EML5: variants seen among roughly 807,000 people sequenced by gnomAD.
EML5 encodes the protein echinoderm microtubule-associated protein-like 5.
Under a neutral mutation model 250.0 loss-of-function variants are expected in EML5, and 120 were observed. The ratio of observed to expected loss-of-function variants is 0.48; its 90% confidence interval spans 0.41 to 0.56. The LOEUF (loss-of-function observed/expected upper bound fraction) is 0.56, where lower values mean the gene tolerates loss of function less well. EML5 is among the 20% of genes least tolerant of loss of function. The pLI is 0.00. For synonymous variants in EML5, 771 were observed against 806.5 expected (o/e 0.96, Z 0.75); for missense variants, 2,006 against 2,437.6 (o/e 0.82, Z 3.73).
At chr14:88,717,045 C>A (rs979049184) in intron 8 of EML5, among the ~76,000 whole-genome samples, 1 of 152,156 alleles carries the variant, frequency 6.6e-6, no homozygotes, top group Non-Finnish European at 1.5e-5. Flanking sequence ...CATAATACAT[C>A]ACAAAGTAAA....
At chr14:88,695,252 A>G (rs1002563814) in intron 16 of EML5, 109 bp downstream of exon 16, 3 of 761,344 alleles carry the variant, frequency 3.9e-6, no homozygotes, top group Non-Finnish European at 6.3e-6. Context: ...CATGGAAGCA[A>G]TAAAAAGTTA....
intron 27 of EML5, among the ~76,000 whole-genome samples, chr14:88,652,933 A>T (rs1401405659): frequency 6.6e-6 from 1 of 152,198 alleles, no homozygotes. Flanking sequence ...ATCCATGAGC[A>T]TGGAATGTTT....
At chr14:88,768,124 T>G (rs1651251846) in intron 1 of EML5, among the ~76,000 whole-genome samples, 1 of 152,212 alleles carries the variant, frequency 6.6e-6, no homozygotes, top group Non-Finnish European at 1.5e-5. Flanking sequence ...GTTATGCATT[T>G]TGGGTAAAAA....
At chr14:88,646,815 C>A in intron 29 of EML5, 132 bp downstream of exon 29, 2 of 848,420 alleles carry the variant, frequency 2.4e-6, no homozygotes, top group Admixed American at 3.2e-5. Flanking sequence ...ATACCAATTC[C>A]AAAGGAAAAA....
Position 88,616,136 on chromosome 14 carries a change from ACTAACC to A in EML5, c.5897_5897+5del. The A allele has an allele frequency of 1.2e-6, 2 of 1,613,556 alleles. No homozygotes were observed. Among genetic ancestry groups the A allele is most frequent in the Non-Finnish European group, 1.7e-6 (2 of 1,179,510 alleles). On this transcript the variant is annotated splice_donor_variant and splice_donor_5th_base_variant and coding_sequence_variant and intron_variant, in exon 43 of 44. Transcript: ENST00000554922. LOFTEE classifies it high-confidence loss of function. ...CTGCTCTTCATGGGCTGAGAAAGTTACTAACCTGCAGTCATCACCTCCAGCACTAAC... is the reference window on the plus strand; with the variant it reads ...CTGCTCTTCATGGGCTGAGAAAGTTATGCAGTCATCACCTCCAGCACTAAC...
intron 1 of EML5, among the ~76,000 whole-genome samples, chr14:88,763,040 C>T (rs2094268769): frequency 6.6e-6 from 1 of 152,112 alleles, no homozygotes; most frequent in African/African-American, 2.4e-5. Flanking sequence ...GCACTAAATG[C>T]CCACAGGTGA....
intron 1 of EML5, among the ~76,000 whole-genome samples, chr14:88,781,642 G>A (rs1170324364): frequency 6.6e-6 from 1 of 152,134 alleles, no homozygotes. Flanking sequence ...ACTGAATCAT[G>A]GTGACGATTA....
Position 88,665,374 on chromosome 14 carries a change from G to T in EML5, c.3240C>A (p.His1080Gln). The change falls in exon 22 of 44, where the codon CAC (histidine) becomes CAA (glutamine). Residue 1080 changes from histidine to glutamine, a missense_variant. This residue lies in a region of EML5 where 1,375 missense variants were observed against 1,590.3 expected (regional missense o/e 0.86). Transcript: ENST00000554922. ...DTLEDLVSFH[H>Q]RKDMISDIRF... ...GAATATCTGAAATCATATCTTTTCT[G>T]TGATGAAAAGACACAAGATCCTCTA... 6.2e-7 allele frequency: 1 copy of T among 1,613,550 alleles called. No individual in the cohort carries two copies. The highest frequency in any genetic ancestry group is 8.5e-7 in the Non-Finnish European group (1 of 1,179,676).
intron 1 of EML5, among the ~76,000 whole-genome samples, chr14:88,756,341 G>A (rs2094158801): frequency 6.6e-6 from 1 of 152,122 alleles, no homozygotes; most frequent in Admixed American, 6.5e-5. Flanking sequence ...ACTAGAAACT[G>A]AAGGAAACTT....
chr14:88,769,222 C>T (rs1250467422), intron 1 of EML5, among the ~76,000 whole-genome samples: 5 of 152,130 alleles, frequency 3.3e-5, no homozygotes, highest in African/African-American at 2.4e-5. Flanking sequence ...TAGGAGATAA[C>T]TGGATCATGG....
intron 29 of EML5, among the ~76,000 whole-genome samples, chr14:88,646,280 T>C (rs1243789883): frequency 1.3e-5 from 2 of 152,196 alleles, no homozygotes; most frequent in Non-Finnish European, 2.9e-5. Flanking sequence ...AATGGGATGT[T>C]GATACGCAAT....
At chr14:88,735,636 T>G (rs1267344518) in intron 7 of EML5, among the ~76,000 whole-genome samples, 1 of 152,170 alleles carries the variant, frequency 6.6e-6, no homozygotes, top group Non-Finnish European at 1.5e-5. Context: ...TATCAAAATT[T>G]AAAATGCACA....
chr14:88,633,143 C>T (rs2090530204), intron 33 of EML5, among the ~76,000 whole-genome samples: 1 of 152,192 alleles, frequency 6.6e-6, no homozygotes. Context: ...GATCATGCCT[C>T]AGCTATCTAC....
chr14:88,676,356 G>C (rs903936577), intron 21 of EML5, among the ~76,000 whole-genome samples: 5 of 152,216 alleles, frequency 3.3e-5, no homozygotes, highest in African/African-American at 1.2e-4. Flanking sequence ...CTTCTTCACA[G>C]GGTGGCAGGA....
intron 2 of EML5, 129 bp downstream of exon 2, chr14:88,754,383 C>A: frequency 1.3e-6 from 1 of 793,098 alleles, no homozygotes; most frequent in East Asian, 3.1e-5. Flanking sequence ...TCCCACCCCA[C>A]CTACCCACCT....
chr14:88,715,237 C>A (rs376463554), intron 8 of EML5, 42 bp from the exon 9 acceptor site: 71 of 1,522,880 alleles, frequency 4.7e-5, no homozygotes, highest in Non-Finnish European at 5.5e-5. Flanking sequence ...ACAGAAGTCA[C>A]AACAGAATTA....
chr14:88,743,000 GA>G (rs1378723262), intron 4 of EML5, among the ~76,000 whole-genome samples: 2 of 152,042 alleles, frequency 1.3e-5, no homozygotes, highest in Admixed American at 6.5e-5. Context: ...TTGTTCCAAT[GA>G]TTTAAAAGTA....
chr14:88,625,184 A>G (rs1335542137), intron 35 of EML5, 57 bp from the exon 36 acceptor site: 3 of 1,581,904 alleles, frequency 1.9e-6, no homozygotes, highest in African/African-American at 1.3e-5. Context: ...ATAGAGTTTA[A>G]ATAGATAATT....
At chr14:88,790,851 A>T (rs944576254) in intron 1 of EML5, among the ~76,000 whole-genome samples, 10 of 152,168 alleles carry the variant, frequency 6.6e-5, no homozygotes, top group African/African-American at 2.4e-4. Flanking sequence ...GGTTTACTTT[A>T]GTTTTGTTTT....
Sources: gnomAD v4.1 joint callset for allele counts (sites outside exome capture counted in the v4.1 genomes callset) on GRCh38, gnomAD v4.1.1 for gene constraint, gnomAD v4.1.1 regional missense constraint, MANE v1.5 for transcripts, NCBI Gene and HGNC (gene_info 2026-07-23, HGNC 2026-07-21) for gene names.